Variants in GRM3 observed in about 807,000 individuals in gnomAD.
The protein encoded by GRM3 is glutamate metabotropic receptor 3.
GRM3 carries 26 observed loss-of-function variants against 70.5 expected under a neutral mutation model. The ratio of observed to expected loss-of-function variants is 0.37; its 90% confidence interval spans 0.27 to 0.51. GRM3 has a LOEUF of 0.51. Among genes scored for constraint, GRM3 ranks in the 20% least tolerant of loss-of-function variants. The probability of loss-of-function intolerance (pLI) is 0.93; values close to 1 mark genes in which losing one functional copy is unlikely to be tolerated. For synonymous variants in GRM3, 443 were observed against 434.9 expected, an observed-to-expected ratio of 1.02 and a Z score of -0.23; for missense variants, 859 against 1,123.8, an observed-to-expected ratio of 0.76 and a Z score of 3.37.
chr7:86,803,702 T>C (rs1458073115), intron 3 of GRM3, among the ~76,000 whole-genome samples: 1 of 152,194 alleles, frequency 6.6e-6, no homozygotes, highest in Non-Finnish European at 1.5e-5. Flanking sequence ...CATGATTCCC[T>C]GAGTGCAGGC....
chr7:86,678,729 T>C (rs1204117163), intron 1 of GRM3, among the ~76,000 whole-genome samples: 1 of 152,092 alleles, frequency 6.6e-6, no homozygotes, highest in East Asian at 1.9e-4. Flanking sequence ...TTAATGAAAC[T>C]GTAATCTACT....
intron 1 of GRM3, among the ~76,000 whole-genome samples, chr7:86,756,946 T>G (rs10276808): frequency 0.35 from 53,238 of 151,970 alleles, 10,474 homozygotes; most frequent in African/African-American, 0.54. Context: ...TCAAGTTTAT[T>G]ATTTTGCCTC....
chr7:86,744,202 T>C (rs187384826), intron 1 of GRM3, among the ~76,000 whole-genome samples: 7 of 152,094 alleles, frequency 4.6e-5, no homozygotes, highest in Non-Finnish European at 8.8e-5. Flanking sequence ...AGGATACTTA[T>C]GACAGAGTAT....
At chr7:86,852,944 A>T (rs1798780703) in intron 5 of GRM3, among the ~76,000 whole-genome samples, 1 of 152,178 alleles carries the variant, frequency 6.6e-6, no homozygotes, top group Non-Finnish European at 1.5e-5. Context: ...TTTCAATTAA[A>T]AACTTTCCCA....
intron 3 of GRM3, among the ~76,000 whole-genome samples, chr7:86,826,500 T>A (rs1470556286): frequency 6.6e-6 from 1 of 152,004 alleles, no homozygotes; most frequent in Non-Finnish European, 1.5e-5. Flanking sequence ...GTGGGAGGAA[T>A]GAAACATAAT....
At chr7:86,784,777 T>C (rs927835266) in intron 2 of GRM3, 2 of 152,210 alleles carry the variant, frequency 1.3e-5, no homozygotes, top group African/African-American at 4.8e-5. Context: ...TAATTTTGCA[T>C]TATATTGTGT....
intron 3 of GRM3, among the ~76,000 whole-genome samples, chr7:86,799,109 CT>C (rs1797623532): frequency 6.6e-6 from 1 of 152,050 alleles, no homozygotes; most frequent in African/African-American, 2.4e-5. Context: ...TTTTCTCTTA[CT>C]AGCAATTGTG....
chr7:86,706,742 G>C (rs1795067090), intron 1 of GRM3, among the ~76,000 whole-genome samples: 9 of 152,020 alleles, frequency 5.9e-5, no homozygotes, highest in Admixed American at 4.6e-4. Flanking sequence ...ACTGACCATA[G>C]ATTGGCATTG....
chr7:86,676,701 G>A (rs1794316595), intron 1 of GRM3, among the ~76,000 whole-genome samples: 1 of 151,886 alleles, frequency 6.6e-6, no homozygotes, highest in African/African-American at 2.4e-5. Context: ...TGAAAGAGTA[G>A]CAAAATTTGG....
At chr7:86,850,312 A>T in intron 4 of GRM3, 58 bp from the exon 5 acceptor site, 1 of 1,198,524 alleles carries the variant, frequency 8.3e-7, no homozygotes, top group Non-Finnish European at 1.2e-6. Context: ...CACTCTCTTT[A>T]GTTGGCCACT....
chr7:86,822,940 A>G (rs1166386882), intron 3 of GRM3, among the ~76,000 whole-genome samples: 1 of 152,134 alleles, frequency 6.6e-6, no homozygotes, highest in Middle Eastern at 3.2e-3. Flanking sequence ...GTCTTTTCTT[A>G]GAATATTGAT....
chr7:86,704,212 C>G (rs192786762), intron 1 of GRM3, among the ~76,000 whole-genome samples: 1 of 151,850 alleles, frequency 6.6e-6, no homozygotes, highest in African/African-American at 2.4e-5. Flanking sequence ...GGCATTCAAA[C>G]AGTTTTAAAC....
intron 1 of GRM3, among the ~76,000 whole-genome samples, chr7:86,710,401 C>T (rs1035153785): frequency 6.6e-6 from 1 of 150,874 alleles, no homozygotes; most frequent in South Asian, 2.1e-4. Flanking sequence ...TGAAATTTCA[C>T]ATTTGAATAA....
chr7:86,774,195 G>T (rs1172597799), intron 2 of GRM3, among the ~76,000 whole-genome samples: 1 of 152,046 alleles, frequency 6.6e-6, no homozygotes, highest in Non-Finnish European at 1.5e-5. Flanking sequence ...TACAATTTCA[G>T]TATTTCAATA....
chr7:86,700,423 A>G (rs1794921568), intron 1 of GRM3, among the ~76,000 whole-genome samples: 1 of 151,880 alleles, frequency 6.6e-6, no homozygotes, highest in South Asian at 2.1e-4. Context: ...GCGAGGTGAA[A>G]TGAGAGCCTA....
chr7:86,764,903 A>G, intron 1 of GRM3, 103 bp from the exon 2 acceptor site: 1 of 677,256 alleles, frequency 1.5e-6, no homozygotes. Flanking sequence ...TGTTTAGTAA[A>G]TGGTTTTCTG....
intron 3 of GRM3, among the ~76,000 whole-genome samples, chr7:86,810,749 T>C (rs978238645): frequency 6.6e-6 from 1 of 151,966 alleles, no homozygotes; most frequent in African/African-American, 2.4e-5. Flanking sequence ...TCCTGTTATT[T>C]AGGTCTCAGT....
chr7:86,693,566 C>A (rs1344997301), intron 1 of GRM3, among the ~76,000 whole-genome samples: 1 of 152,088 alleles, frequency 6.6e-6, no homozygotes, highest in Non-Finnish European at 1.5e-5. Context: ...GGAAAAATGG[C>A]CAAATCGTAG....
chr7:86,841,913 T>C (rs952772281), intron 4 of GRM3, among the ~76,000 whole-genome samples: 5 of 152,166 alleles, frequency 3.3e-5, no homozygotes, highest in African/African-American at 1.2e-4. Context: ...GGTTGTGGAA[T>C]AGAGTTTTTT....
Sources: gnomAD v4.1 joint callset for allele counts (sites outside exome capture counted in the v4.1 genomes callset) on GRCh38, gnomAD v4.1.1 for gene constraint, MANE v1.5 for transcripts, NCBI Gene and HGNC (gene_info 2026-07-23, HGNC 2026-07-21) for gene names.